ADGRV1: variants seen among roughly 807,000 people sequenced by gnomAD.
The protein encoded by ADGRV1 is adhesion G protein-coupled receptor V1.
ADGRV1 carries 359 observed loss-of-function variants against 596.2 expected under a neutral mutation model. That is an observed-to-expected ratio of 0.60 (90% CI 0.55 to 0.66). The LOEUF is 0.66. Among genes scored for constraint, ADGRV1 ranks in the 30% least tolerant of loss-of-function variants. The pLI is 0.00. For synonymous variants in ADGRV1, 2,681 were observed against 2,679.2 expected (o/e 1.00, Z -0.02); for missense variants, 7,274 against 7,575.6 (o/e 0.96, Z 1.48).
intron 85 of ADGRV1, among the ~76,000 whole-genome samples, chr5:91,059,561 C>G (rs1442737933): frequency 6.6e-6 from 1 of 152,172 alleles, no homozygotes; most frequent in Non-Finnish European, 1.5e-5. Context: ...TAGTTTAGGG[C>G]AGTTCAAATT....
rs190605961 is a variant in ADGRV1, at chr5:90,567,122, A to G, written c.22+8205A>G. On this transcript the variant is annotated intron_variant, in intron 1 of 89. Transcript: ENST00000405460. ...TTGCATTAATTGGTTCTTGATGGTGAACCAATGTAGCATTCTTGGATAGAT... is the reference window on the plus strand; with the variant it reads ...TTGCATTAATTGGTTCTTGATGGTGGACCAATGTAGCATTCTTGGATAGAT... Among the ~76,000 whole-genome samples the G allele has an allele frequency of 1.9e-4, 29 of 152,150 alleles. No homozygotes were observed. The East Asian group carries it at 4.4e-3, about 23-fold the overall frequency.
At chr5:90,716,142 C>G (rs930262910) in intron 42 of ADGRV1, among the ~76,000 whole-genome samples, 2 of 152,138 alleles carry the variant, frequency 1.3e-5, no homozygotes, top group African/African-American at 4.8e-5. Flanking sequence ...ACAATTATGA[C>G]AGACATTATT....
chr5:90,911,379 A>T (rs909570897), intron 83 of ADGRV1, among the ~76,000 whole-genome samples: 1 of 152,158 alleles, frequency 6.6e-6, no homozygotes, highest in Non-Finnish European at 1.5e-5. Flanking sequence ...TGTGTCTCCT[A>T]ATGTAAACAC....
intron 83 of ADGRV1, among the ~76,000 whole-genome samples, chr5:90,961,487 C>CAAA (rs34654014): frequency 3.2e-4 from 15 of 46,494 alleles, no homozygotes; most frequent in East Asian, 1.7e-3. Context: ...GACTCCGTCT[C>CAAA]AAAAAAAAAA....
At chr5:90,833,452 T>C (rs1412674351) in intron 77 of ADGRV1, among the ~76,000 whole-genome samples, 1 of 151,994 alleles carries the variant, frequency 6.6e-6, no homozygotes, top group Non-Finnish European at 1.5e-5. Context: ...ACCTGGCTAA[T>C]TTTTGTAGTT....
intron 87 of ADGRV1, among the ~76,000 whole-genome samples, chr5:91,113,053 C>G (rs970421501): frequency 2.0e-5 from 3 of 152,112 alleles, no homozygotes; most frequent in Non-Finnish European, 4.4e-5. Flanking sequence ...AGGCTCTCCC[C>G]ATGAATGTTC....
At chr5:90,793,337 A>G (rs1229596918) in intron 70 of ADGRV1, 1 of 152,230 alleles carries the variant, frequency 6.6e-6, no homozygotes, top group Non-Finnish European at 1.5e-5. Flanking sequence ...TATTCATAGC[A>G]TTACATTCTG....
At chr5:90,998,339 C>T (rs1781581130) in intron 85 of ADGRV1, among the ~76,000 whole-genome samples, 1 of 151,952 alleles carries the variant, frequency 6.6e-6, no homozygotes. Context: ...TTTTTTTACA[C>T]ACAATCACAA....
At chr5:91,039,323 G>C (rs750295813) in intron 85 of ADGRV1, among the ~76,000 whole-genome samples, 2 of 152,170 alleles carry the variant, frequency 1.3e-5, no homozygotes, top group Non-Finnish European at 2.9e-5. Flanking sequence ...TTCGTTATCG[G>C]TTAGGCTTTC....
chr5:90,590,330 G>A (rs1759318269), intron 1 of ADGRV1, among the ~76,000 whole-genome samples: 1 of 152,194 alleles, frequency 6.6e-6, no homozygotes, highest in Admixed American at 6.5e-5. Context: ...GGCTGAGGCT[G>A]ATGTCATCTT....
At chr5:91,054,910 C>T (rs746114593) in intron 85 of ADGRV1, among the ~76,000 whole-genome samples, 1 of 152,186 alleles carries the variant, frequency 6.6e-6, no homozygotes, top group Non-Finnish European at 1.5e-5. Flanking sequence ...AAAACAGCAA[C>T]CATAAAGAAC....
chr5:90,823,238 T>C (rs1763757621), intron 75 of ADGRV1, among the ~76,000 whole-genome samples, 187 bp from the exon 76 acceptor site: 1 of 152,224 alleles, frequency 6.6e-6, no homozygotes, highest in South Asian at 2.1e-4. Flanking sequence ...GGCTTAATCC[T>C]CTTATCTGTA....
At position 90,965,604 on chromosome 5, in the gene ADGRV1, A is replaced by G. The variant is rs80005712; in HGVS notation, c.17973+73A>G. On this transcript the variant is annotated intron_variant, in intron 84 of 89. Coordinates refer to ENST00000405460, the MANE Select transcript of ADGRV1 (RefSeq NM_032119.4). ...CTGGGTGGAGTGGTCTTAATGTCTGATACTCTGTACTGAAGTAGAAGTAAT... is the reference window on the plus strand; with the variant it reads ...CTGGGTGGAGTGGTCTTAATGTCTGGTACTCTGTACTGAAGTAGAAGTAAT... 0.026 allele frequency: 20,668 copies of G among 795,692 alleles called. 549 individuals are homozygous for G. Among genetic ancestry groups the G allele is most frequent in the East Asian group, 0.079 (3,180 of 40,214 alleles). The allele number at this position is 795,692 out of a possible 1,614,324, so 49.3% of individuals were successfully genotyped here.
At chr5:90,914,390 A>G (rs1324466264) in intron 83 of ADGRV1, among the ~76,000 whole-genome samples, 2 of 152,152 alleles carry the variant, frequency 1.3e-5, no homozygotes, top group East Asian at 1.9e-4. Flanking sequence ...ACCTCACAAC[A>G]AATCTTTGAA....
At chr5:91,027,213 A>G (rs536717082) in intron 85 of ADGRV1, among the ~76,000 whole-genome samples, 2 of 149,786 alleles carry the variant, frequency 1.3e-5, no homozygotes, top group African/African-American at 4.9e-5. Flanking sequence ...GGAGAGGAGC[A>G]ATCTCTCAGT....
chr5:90,934,915 A>G (rs1775549825), intron 83 of ADGRV1, among the ~76,000 whole-genome samples: 1 of 152,138 alleles, frequency 6.6e-6, no homozygotes, highest in Non-Finnish European at 1.5e-5. Flanking sequence ...GGTGTGTCTT[A>G]CAAGGGCACT....
chr5:90,956,405 G>A (rs1207360338), intron 83 of ADGRV1, among the ~76,000 whole-genome samples: 2 of 152,122 alleles, frequency 1.3e-5, no homozygotes, highest in Non-Finnish European at 2.9e-5. Flanking sequence ...TCTGAGTAAC[G>A]ACTCAGTACC....
intron 89 of ADGRV1, among the ~76,000 whole-genome samples, chr5:91,154,426 T>G (rs1796301676): frequency 1.3e-5 from 2 of 152,210 alleles, no homozygotes; most frequent in Non-Finnish European, 2.9e-5. Flanking sequence ...TACTCCAAAA[T>G]TCCTAAGAAT....
At chr5:90,643,388 T>A (rs1017696076) in intron 13 of ADGRV1, among the ~76,000 whole-genome samples, 3 of 152,164 alleles carry the variant, frequency 2.0e-5, no homozygotes, top group Non-Finnish European at 4.4e-5. Context: ...TGAAGAAATT[T>A]TGCTATAGAA....
Sources: gnomAD v4.1 joint callset for allele counts (sites outside exome capture counted in the v4.1 genomes callset) on GRCh38, gnomAD v4.1.1 for gene constraint, MANE v1.5 for transcripts, NCBI Gene and HGNC (gene_info 2026-07-23, HGNC 2026-07-21) for gene names.